SLC16A7: variants seen among roughly 807,000 people sequenced by gnomAD.
SLC16A7 encodes the protein solute carrier family 16 member 7, also known as monocarboxylate transporter 2.
SLC16A7 carries 33 observed loss-of-function variants against 34.9 expected under a neutral mutation model. The ratio of observed to expected loss-of-function variants is 0.94; its 90% CI spans 0.72 to 1.26. SLC16A7 has a LOEUF of 1.26. Among genes scored for constraint, SLC16A7 ranks in the 50% most tolerant of loss-of-function variants. SLC16A7 has a pLI of 0.00. For missense variants in SLC16A7, 573 were observed against 578.1 expected (o/e 0.99, Z 0.09); for synonymous variants, 201 against 206.6 (o/e 0.97, Z 0.23).
In SLC16A7 at chr12:59,775,243, C is replaced by T. The variant is rs1292473285; in HGVS notation, c.948C>T (p.Phe316=). The T allele has an allele frequency of 1.2e-6, 2 of 1,614,092 alleles. No individual in the cohort carries two copies. Among genetic ancestry groups the T allele is most frequent in the Admixed American group, 3.3e-5 (2 of 59,994 alleles). ...ATATTCGACCTCGAATTCAGTACTTCTTCAGTTTTGCAATCATGTTCAATG... is the reference window on the plus strand; with the variant it reads ...ATATTCGACCTCGAATTCAGTACTTTTTCAGTTTTGCAATCATGTTCAATG... ...SKYIRPRIQY[F]FSFAIMFNGV... The change falls in exon 5 of 6, where the codon TTC becomes TTT. Residue 316 remains phenylalanine (F), a synonymous_variant. Coordinates refer to ENST00000547379, the MANE Select transcript of SLC16A7 (RefSeq NM_001270623.2).
intron 1 of SLC16A7, among the ~76,000 whole-genome samples, chr12:59,606,181 A>C (rs1460936674): frequency 6.6e-6 from 1 of 152,190 alleles, no homozygotes; most frequent in East Asian, 1.9e-4. Flanking sequence ...AATAATGTGG[A>C]TCTTTTCAAG....
chr12:59,749,814 AG>A (rs1879305372), intron 3 of SLC16A7, among the ~76,000 whole-genome samples: 1 of 152,220 alleles, frequency 6.6e-6, no homozygotes, highest in Non-Finnish European at 1.5e-5. Flanking sequence ...TGGAATGTAA[AG>A]GACTTCAAGA....
At chr12:59,613,300 G>A (rs563583976) in intron 1 of SLC16A7, among the ~76,000 whole-genome samples, 189 of 152,256 alleles carry the variant, frequency 1.2e-3, no homozygotes, top group South Asian at 7.7e-3. Flanking sequence ...AAAGCATGAG[G>A]GAAACCACCC....
At position 59,687,930 on chromosome 12, in the gene SLC16A7, A is replaced by G. The variant is rs919288733; in HGVS notation, c.-30-16842A>G. ...GGCTATACTTTGCCTACAGAGAAAT[A>G]TGACAAGTATGAGTAGGGGACAAAT... On this transcript the variant is annotated intron_variant, in intron 2 of 5. Coordinates refer to ENST00000547379, the MANE Select transcript of SLC16A7 (RefSeq NM_001270623.2). Among the ~76,000 whole-genome samples the G allele has an allele frequency of 2.0e-5, 3 of 152,158 alleles. No individual in the cohort carries two copies. In the East Asian group the frequency reaches 5.8e-4, roughly 29 times the overall value.
chr12:59,619,761 AAGG>A (rs1879613896), intron 1 of SLC16A7, among the ~76,000 whole-genome samples: 1 of 151,998 alleles, frequency 6.6e-6, no homozygotes, highest in Non-Finnish European at 1.5e-5. Context: ...ATTGCTAGGC[AAGG>A]AGAAGAATGG....
intron 3 of SLC16A7, among the ~76,000 whole-genome samples, chr12:59,758,749 A>G (rs548966719): frequency 6.6e-6 from 1 of 152,256 alleles, no homozygotes; most frequent in South Asian, 2.1e-4. Flanking sequence ...TTGTTGCTAC[A>G]GTACCACATG....
intron 1 of SLC16A7, among the ~76,000 whole-genome samples, chr12:59,611,235 G>GAGGACTC (rs1879177990): frequency 6.6e-6 from 1 of 152,174 alleles, no homozygotes; most frequent in Non-Finnish European, 1.5e-5. Flanking sequence ...CATGGCTGGA[G>GAGGACTC]AGGACTCAGC....
At chr12:59,705,739 A>G (rs1162662542) in intron 3 of SLC16A7, among the ~76,000 whole-genome samples, 4 of 152,150 alleles carry the variant, frequency 2.6e-5, no homozygotes, top group Non-Finnish European at 5.9e-5. Flanking sequence ...ACTCTCTTGT[A>G]GAATTTTTTG....
At chr12:59,766,509 A>G (rs1019432313) in intron 3 of SLC16A7, among the ~76,000 whole-genome samples, 1 of 152,194 alleles carries the variant, frequency 6.6e-6, no homozygotes, top group Non-Finnish European at 1.5e-5. Flanking sequence ...TGTCCCATCA[A>G]TACCTAATTT....
intron 2 of SLC16A7, among the ~76,000 whole-genome samples, chr12:59,669,669 C>T (rs1223748092): frequency 6.6e-6 from 1 of 151,732 alleles, no homozygotes; most frequent in Non-Finnish European, 1.5e-5. Context: ...CACACACACA[C>T]ACACACACAC....
rs1178859634 is a variant in SLC16A7 at position 59,677,052 on chromosome 12, CGTGT to C, written c.-31+21809_-31+21812del. On this transcript the variant is annotated intron_variant, in intron 2 of 5. Transcript: ENST00000547379. The stretch of plus-strand genomic sequence containing the variant: ...TTATTATATGTTTTAGCCCATTGCT[CGTGT>C]GTGTGTATGTGTTTTTTCTTATAAT... Among the ~76,000 whole-genome samples the C allele has an allele frequency of 1.2e-4, 18 of 151,924 alleles. No individual in the cohort carries two copies. The East Asian group carries it at 2.9e-3, about 24-fold the overall frequency.
Position 59,609,086 on chromosome 12 carries a change from A to T in SLC16A7, c.-130+12850A>T, listed in dbSNP as rs188114666. 2.6e-5 allele frequency among the ~76,000 whole-genome samples: 4 copies of T among 152,368 alleles called. No homozygotes were observed. The East Asian group carries it at 7.7e-4, about 29-fold the overall frequency. ...AAGACAGATTAGTTGGAGAAAAGGCATACAATTTATTGTCATGCCCAGGGA... is the reference window on the plus strand; with the variant it reads ...AAGACAGATTAGTTGGAGAAAAGGCTTACAATTTATTGTCATGCCCAGGGA... On this transcript the variant is annotated intron_variant, in intron 1 of 5. Transcript: ENST00000547379.
At chr12:59,754,979 G>A (rs1055825102) in intron 3 of SLC16A7, among the ~76,000 whole-genome samples, 35 of 152,100 alleles carry the variant, frequency 2.3e-4, no homozygotes, top group Admixed American at 8.5e-4. Flanking sequence ...ATGTAATCCA[G>A]CATATAAACA....
chr12:59,605,643 T>C (rs1878902737), intron 1 of SLC16A7, among the ~76,000 whole-genome samples: 1 of 152,242 alleles, frequency 6.6e-6, no homozygotes, highest in Non-Finnish European at 1.5e-5. Context: ...AGGTAAGTCC[T>C]TTTTAGTCTT....
intron 3 of SLC16A7, among the ~76,000 whole-genome samples, chr12:59,757,698 A>G (rs1333378339): frequency 1.3e-5 from 2 of 151,856 alleles, no homozygotes; most frequent in Non-Finnish European, 2.9e-5. Context: ...CACCTCTTCC[A>G]TCTCTGGCAC....
chr12:59,707,751 G>T (rs1045295042), intron 3 of SLC16A7, among the ~76,000 whole-genome samples: 1 of 152,070 alleles, frequency 6.6e-6, no homozygotes, highest in African/African-American at 2.4e-5. Flanking sequence ...AGTAATTGAT[G>T]AAGGCAATAT....
intron 3 of SLC16A7, among the ~76,000 whole-genome samples, chr12:59,727,152 A>ATATATATATATAT (rs71074384): frequency 5.0e-5 from 4 of 79,478 alleles, no homozygotes; most frequent in Admixed American, 1.1e-4. Context: ...TGAGATGGAC[A>ATATATATATATAT]TATATATATA....
chr12:59,774,002 A>T (rs1004885789), intron 4 of SLC16A7, among the ~76,000 whole-genome samples: 2 of 152,230 alleles, frequency 1.3e-5, no homozygotes, highest in African/African-American at 4.8e-5. Context: ...ACTTTGGCTC[A>T]TATAAACAAT....
chr12:59,728,759 G>A (rs993992623), intron 3 of SLC16A7, among the ~76,000 whole-genome samples: 2 of 152,156 alleles, frequency 1.3e-5, no homozygotes, highest in Admixed American at 6.5e-5. Flanking sequence ...ATCAAGCAAT[G>A]TTTAGATAAT....
Sources: allele counts gnomAD v4.1 joint callset (sites outside exome capture counted in the v4.1 genomes callset), GRCh38; gene constraint gnomAD v4.1.1; transcripts MANE v1.5; gene names NCBI Gene and HGNC (gene_info 2026-07-23, HGNC 2026-07-21).